The following HK3 variants were observed in gnomAD, a reference collection of about 807,000 sequenced individuals.
The protein encoded by HK3 is hexokinase-3.
HK3 carries 93 observed loss-of-function variants against 91.0 expected under a neutral mutation model. The observed-to-expected ratio is 1.02, with a 90% confidence interval of 0.86 to 1.21. The LOEUF is 1.21. Among genes scored for constraint, HK3 ranks in the 50% most tolerant of loss-of-function variants. HK3 has a pLI of 0.00. For missense variants in HK3, 1,235 were observed against 1,247.4 expected (o/e 0.99, Z 0.15); for synonymous variants, 519 against 516.9 (o/e 1.00, Z -0.06).
rs1395151998 is a variant in HK3, at chr5:176,881,721, G to A, written c.2364C>T (p.Phe788=). Residue 788 remains phenylalanine (F), a synonymous_variant, in exon 17 of 19, where the codon TTC becomes TTT. Coordinates refer to ENST00000292432, the MANE Select transcript of HK3 (RefSeq NM_002115.3). Reference sequence around the variant, plus strand: ...CGATCTCAGAGAGGAACTTGGTCTTGAAGATGTCCCTGGTCTGAAGGCGCT... The same window carrying A: ...CGATCTCAGAGAGGAACTTGGTCTTAAAGATGTCCCTGGTCTGAAGGCGCT... ...QIQRLQTRDI[F]KTKFLSEIES... The A allele has an allele frequency of 7.4e-6, 12 of 1,614,172 alleles. No homozygotes were observed. Among genetic ancestry groups the A allele is most frequent in the Middle Eastern group, 3.3e-4 (2 of 6,062 alleles).
At chr5:176,883,690 G>A (rs1758502130) in intron 15 of HK3, 80 bp downstream of exon 15, 1 of 1,143,562 alleles carries the variant, frequency 8.7e-7, no homozygotes, top group Non-Finnish European at 1.3e-6. Flanking sequence ...CACCGCCAAG[G>A]AAACATCCAA....
rs61749650 is a variant in HK3 at position 176,887,059 on chromosome 5, C to G, written c.1800G>C (p.Gln600His). Residue 600 changes from glutamine (Q) to histidine (H), a missense_variant, in exon 13 of 19, where the codon CAG (glutamine) becomes CAC (histidine). This residue lies in a region of HK3 where 513 missense variants were observed against 477.4 expected (regional missense o/e 1.07). Coordinates refer to ENST00000292432, the MANE Select transcript of HK3 (RefSeq NM_002115.3). This position sits in a 1 kb window ranked among gnomAD's most constrained non-coding sequence, Gnocchi z 4.9. ...DFQQKQGLSG[Q>H]SLPLGFTFSF... ...AGAAGGTAAAACCCAGTGGGAGGCT[C>G]TGCCCGCTCAGGCCCTGCTTCTGCT... 12,961 of 1,614,224 alleles carry G rather than the reference C, an allele frequency of 8.0e-3. 108 individuals carry two copies. The highest frequency in any genetic ancestry group is 0.015 in the Middle Eastern group (89 of 6,062).
chr5:176,891,504 T>C lies in HK3; in HGVS notation c.143A>G (p.Gln48Arg). 6.2e-7 allele frequency: 1 copy of C among 1,614,178 alleles called. No homozygotes were observed. The highest frequency in any genetic ancestry group is 8.5e-7 in the Non-Finnish European group (1 of 1,180,006). The change falls in exon 3 of 19, where the codon CAG becomes CGG. Residue 48 changes from glutamine (Q) to arginine (R), a missense_variant. Coordinates refer to ENST00000292432, the MANE Select transcript of HK3 (RefSeq NM_002115.3). Reference sequence around the variant, plus strand: ...ACCCAAGAGGCTGGCTTGGATCTGCTGTAGCTGTGCCCTTGTCACCTTGAA... The same window carrying C: ...ACCCAAGAGGCTGGCTTGGATCTGCCGTAGCTGTGCCCTTGTCACCTTGAA... ...QQFKVTRAQL[Q>R]QIQASLLGSM...
In HK3 at chr5:176,888,342, G is replaced by A. The variant is rs189575145; in HGVS notation, c.1294C>T (p.Arg432Trp). 9.6e-6 allele frequency: 15 copies of A among 1,555,306 alleles called. No homozygotes were observed. In the East Asian group the frequency reaches 1.9e-4, roughly 20 times the overall value. ...AVATGGRVCE[R>W]HPRFCSVLQG... is the part of the protein sequence containing the mutation. ...ACGTTTCCACAATACCTGGGGTGCC[G>A]CTCACACACTCGGCCTCCGGTGGCC... The change falls in exon 10 of 19, where the codon CGG becomes TGG. Residue 432 changes from arginine to tryptophan, a missense_variant. By Grantham distance (101) the Arg-to-Trp change is moderately radical. Coordinates refer to ENST00000292432, the MANE Select transcript of HK3 (RefSeq NM_002115.3).
chr5:176,893,433 C>T (rs1459851958), intron 2 of HK3, among the ~76,000 whole-genome samples: 2 of 152,168 alleles, frequency 1.3e-5, no homozygotes, highest in African/African-American at 4.8e-5. Context: ...CTCTCTGAGC[C>T]TCAGTCACCT....
chr5:176,897,283 T>TC lies in HK3; in HGVS notation c.-26-1099dup, dbSNP rs538482395. 8.3e-4 allele frequency among the ~76,000 whole-genome samples: 127 copies of TC among 152,314 alleles called. 1 individual carries two copies. The highest frequency in any genetic ancestry group is 3.0e-3 in the African/African-American group (125 of 41,564). ...AGGAACTGTAGAAATGTCAGATACT[T>TC]CGCTCATCCGAGCTGGAGGTGGTAT... On this transcript the variant is annotated intron_variant, in intron 1 of 18. Transcript: ENST00000292432.
At chr5:176,896,661 A>G (rs1758916633) in intron 1 of HK3, among the ~76,000 whole-genome samples, 1 of 152,212 alleles carries the variant, frequency 6.6e-6, no homozygotes, top group Non-Finnish European at 1.5e-5. Flanking sequence ...AAGACCTGCC[A>G]GAGAAGCAGG....
In HK3 at chr5:176,884,837, G is replaced by A. The variant is rs150640414; in HGVS notation, c.1858-703C>T. Among the ~76,000 whole-genome samples the A allele has an allele frequency of 3.3e-5, 5 of 152,346 alleles. No individual in the cohort carries two copies. The East Asian group carries it at 9.6e-4, about 29-fold the overall frequency. ...CTACAGCTGTTGGGAGAAAATTACTGCTTTGCTCAGAGGAGGAGCATGGAG... is the reference window on the plus strand; with the variant it reads ...CTACAGCTGTTGGGAGAAAATTACTACTTTGCTCAGAGGAGGAGCATGGAG... On this transcript the variant is annotated intron_variant, in intron 13 of 18. Transcript: ENST00000292432. The surrounding 1 kb of genome is among the most constrained non-coding windows in gnomAD (Gnocchi z 4.1).
At chr5:176,896,231 G>T (rs1196163181) in intron 1 of HK3, 46 bp from the exon 2 acceptor site, 8 of 1,105,410 alleles carry the variant, frequency 7.2e-6, no homozygotes, top group Non-Finnish European at 1.0e-5. Flanking sequence ...TACTCTATAG[G>T]CCCTAGGAGT....
At chr5:176,897,196 A>G (rs913883771) in intron 1 of HK3, among the ~76,000 whole-genome samples, 21 of 152,176 alleles carry the variant, frequency 1.4e-4, no homozygotes, top group African/African-American at 3.4e-4. Context: ...CATTTCCTCT[A>G]TAACATGAAA....
intron 1 of HK3, among the ~76,000 whole-genome samples, chr5:176,897,743 G>A (rs1244024687): frequency 6.6e-6 from 1 of 150,586 alleles, no homozygotes; most frequent in Non-Finnish European, 1.5e-5. Flanking sequence ...TTCAGACAAT[G>A]GGGTTCCCAA....
chr5:176,898,262 T>C (rs1475296447), intron 1 of HK3, among the ~76,000 whole-genome samples: 1 of 152,174 alleles, frequency 6.6e-6, no homozygotes, highest in Non-Finnish European at 1.5e-5. Flanking sequence ...CTGGTATAGG[T>C]ATGTGCTAAT....
intron 10 of HK3, 140 bp downstream of exon 10, chr5:176,888,192 T>C: frequency 4.2e-6 from 3 of 710,226 alleles, no homozygotes; most frequent in South Asian, 1.8e-5. Flanking sequence ...TGGCCTCCCA[T>C]AGCTCAGTCT....
rs148402833 is a variant in HK3, at chr5:176,881,685, C to G, written c.2393+7G>C. 11 of 1,613,926 alleles carry G rather than the reference C, an allele frequency of 6.8e-6. No homozygotes were observed. In the African/African-American group the frequency reaches 1.5e-4, roughly 22 times the overall value. On this transcript the variant is annotated splice_region_variant and intron_variant, in intron 17 of 18. Transcript: ENST00000292432. ...GAAGTGGGGGAGGCAATGTAGGCCT[C>G]AGGCACCTTTCGATCTCAGAGAGGA...
At chr5:176,895,065 C>T (rs1424365853) in intron 2 of HK3, among the ~76,000 whole-genome samples, 1 of 149,474 alleles carries the variant, frequency 6.7e-6, no homozygotes, top group Admixed American at 6.7e-5. Context: ...GCCTGAGCCA[C>T]TGCGCCCGGA....
At chr5:176,892,472 G>T (rs745478783) in intron 2 of HK3, among the ~76,000 whole-genome samples, 3 of 152,054 alleles carry the variant, frequency 2.0e-5, no homozygotes, top group Non-Finnish European at 4.4e-5. Context: ...GACACCCCAG[G>T]CTGTCACTCC....
At chr5:176,892,880 TG>T (rs1376026848) in intron 2 of HK3, among the ~76,000 whole-genome samples, 44 of 152,170 alleles carry the variant, frequency 2.9e-4, no homozygotes, top group Non-Finnish European at 2.8e-4. Context: ...TCATCCTAAC[TG>T]GGGTGCCAGA....
chr5:176,891,628 G>A, intron 2 of HK3, 78 bp from the exon 3 acceptor site: 2 of 1,432,554 alleles, frequency 1.4e-6, no homozygotes, highest in Non-Finnish European at 9.5e-7. Context: ...CAAGGCAGAG[G>A]CCTGCCCTGC....
intron 9 of HK3, 58 bp downstream of exon 9, chr5:176,888,651 A>G (rs1284757390): frequency 6.2e-7 from 1 of 1,611,880 alleles, no homozygotes; most frequent in African/African-American, 1.3e-5. Flanking sequence ...GGAACAGAGT[A>G]TCATCCCCTT....
Sources: allele counts gnomAD v4.1 joint callset (sites outside exome capture counted in the v4.1 genomes callset), GRCh38; gene constraint gnomAD v4.1.1; regional missense constraint gnomAD v4.1.1; non-coding constraint Gnocchi (gnomAD v3.1); transcripts MANE v1.5; gene names NCBI Gene and HGNC (gene_info 2026-07-23, HGNC 2026-07-21).